APC: variants seen among roughly 807,000 people sequenced by gnomAD.
APC encodes APC regulator of Wnt signaling pathway.
APC carries 72 observed loss-of-function variants against 247.0 expected under a neutral mutation model. The ratio of observed to expected loss-of-function variants is 0.29; its 90% CI spans 0.24 to 0.35. APC has a LOEUF of 0.35. Ranked by LOEUF, APC falls within the 10% of genes least tolerant of loss-of-function variation. APC has a pLI of 1.00. For missense variants in APC, 3,400 were observed against 3,360.7 expected, an observed-to-expected ratio of 1.01 and a Z score of -0.29; for synonymous variants, 1,254 against 1,162.5, an observed-to-expected ratio of 1.08 and a Z score of -1.60.
At chr5:112,823,850 A>G (rs1763384091) in intron 11 of APC, among the ~76,000 whole-genome samples, 1 of 152,150 alleles carries the variant, frequency 6.6e-6, no homozygotes, top group Non-Finnish European at 1.5e-5. Context: ...CACTCGTCAA[A>G]CTGGATTTTC....
intron 2 of APC, among the ~76,000 whole-genome samples, chr5:112,759,823 G>T: frequency 6.6e-6 from 1 of 152,080 alleles, no homozygotes; most frequent in East Asian, 1.9e-4. Flanking sequence ...ACTTCTCAAA[G>T]AACTTTTTGA....
intron 7 of APC, among the ~76,000 whole-genome samples, chr5:112,793,367 C>T (rs1455696006): frequency 6.6e-6 from 1 of 152,050 alleles, no homozygotes; most frequent in African/African-American, 2.4e-5. Context: ...TTATAATCTC[C>T]AGGCAAGTTT....
At chr5:112,760,110 A>G (rs1038076979) in intron 2 of APC, among the ~76,000 whole-genome samples, 1 of 152,150 alleles carries the variant, frequency 6.6e-6, no homozygotes, top group Non-Finnish European at 1.5e-5. Context: ...CCTGGGGTAT[A>G]TTGATTCTGG....
chr5:112,763,842 A>G (rs1322195843), intron 2 of APC, among the ~76,000 whole-genome samples: 1 of 152,208 alleles, frequency 6.6e-6, no homozygotes, highest in Non-Finnish European at 1.5e-5. Context: ...CCCCAGGCTT[A>G]CTGAATCGAC....
chr5:112,752,756 A>G (rs2091519818), intron 1 of APC, among the ~76,000 whole-genome samples: 1 of 152,202 alleles, frequency 6.6e-6, no homozygotes, highest in African/African-American at 2.4e-5. Flanking sequence ...GCAGCATCCT[A>G]AAACAATATA....
At chr5:112,787,662 A>C (rs1175922592) in intron 6 of APC, among the ~76,000 whole-genome samples, 1 of 152,124 alleles carries the variant, frequency 6.6e-6, no homozygotes, top group Admixed American at 6.5e-5. Flanking sequence ...CATTTGTTTG[A>C]GAGATGTTTT....
In APC at chr5:112,845,320, A is replaced by C. The variant is rs1164356805; in HGVS notation, c.*1194A>C. The C allele has an allele frequency of 4.3e-6, 1 of 232,760 alleles. No homozygotes were observed. Among genetic ancestry groups the C allele is most frequent in the Non-Finnish European group, 8.5e-6 (1 of 117,520 alleles). The allele number at this position is 232,760 out of a possible 1,614,324, so 14.4% of individuals were successfully genotyped here. On this transcript the variant is annotated 3_prime_UTR_variant, in exon 16 of 16. Coordinates refer to ENST00000257430, the MANE Select transcript of APC (RefSeq NM_000038.6). ...GCAAGCAGCCTAGCACAGACTAAGC[A>C]TTGAGCATAATAGGCCCACATAATT...
At chr5:112,757,742 G>A (rs185895760) in intron 2 of APC, among the ~76,000 whole-genome samples, 61 of 152,088 alleles carry the variant, frequency 4.0e-4, no homozygotes, top group Non-Finnish European at 6.3e-4. Context: ...TCCTCCAACC[G>A]GATTACTTAA....
In APC at chr5:112,755,707, C is replaced by T. The variant is rs188832145; in HGVS notation, c.135+682C>T. 1.5e-3 allele frequency among the ~76,000 whole-genome samples: 222 copies of T among 152,308 alleles called. 1 individual carries two copies. Among genetic ancestry groups the T allele is most frequent in the African/African-American group, 5.1e-3 (212 of 41,572 alleles). ...AATCGTCTATAGTGGGGAAAATGTT[C>T]TGGTTTCAAAATAATTGAGGTTAAA... is the stretch of plus-strand genomic sequence containing the variant. On this transcript the variant is annotated intron_variant, in intron 2 of 15. Transcript: ENST00000257430.
At chr5:112,774,197 G>A (rs901259544) in intron 4 of APC, among the ~76,000 whole-genome samples, 3 of 151,996 alleles carry the variant, frequency 2.0e-5, no homozygotes, top group African/African-American at 2.4e-5. Flanking sequence ...ATGAATACTA[G>A]GGAATTCTTG....
intron 6 of APC, among the ~76,000 whole-genome samples, chr5:112,788,549 T>C (rs1401401154): frequency 2.0e-5 from 3 of 152,156 alleles, no homozygotes; most frequent in Non-Finnish European, 2.9e-5. Flanking sequence ...TGAGTTGATA[T>C]ATGTAAAAGC....
intron 1 of APC, among the ~76,000 whole-genome samples, chr5:112,711,762 A>T (rs751960400): frequency 6.6e-6 from 1 of 152,184 alleles, no homozygotes; most frequent in Admixed American, 6.5e-5. Context: ...GGCTCTTGCA[A>T]TTGGCAAGTA....
chr5:112,817,231 T>G (rs1297689364), intron 9 of APC, among the ~76,000 whole-genome samples: 1 of 152,216 alleles, frequency 6.6e-6, no homozygotes, highest in Non-Finnish European at 1.5e-5. Flanking sequence ...AACGATGTAT[T>G]TTCGATTAAC....
In APC at chr5:112,828,843, G is replaced by T. The variant is rs2149816718; in HGVS notation, c.1627-13G>T. On this transcript the variant is annotated splice_polypyrimidine_tract_variant and intron_variant, in intron 13 of 15. Transcript: ENST00000257430. The stretch of plus-strand genomic sequence containing the variant: ...TTTATGTATAAATTAATCTAAAATT[G>T]ATTAATTTGCAGGTTATTGCGAGTG... The T allele has an allele frequency of 4.5e-6, 7 of 1,552,330 alleles. No homozygotes were observed. The South Asian group carries it at 6.7e-5, about 15-fold the overall frequency.
chr5:112,837,510 C>T (rs775510189), intron 15 of APC, 43 bp from the exon 16 acceptor site: 2 of 1,448,324 alleles, frequency 1.4e-6, no homozygotes, highest in East Asian at 4.6e-5. Flanking sequence ...TTACTGCATA[C>T]ACATTGTGAC....
chr5:112,826,346 T>G (rs1011915961), intron 11 of APC, among the ~76,000 whole-genome samples: 2 of 152,218 alleles, frequency 1.3e-5, no homozygotes, highest in African/African-American at 2.4e-5. Context: ...TTCACTTTTT[T>G]TTTAACTGCT....
At chr5:112,753,688 A>G (rs1291714399) in intron 1 of APC, among the ~76,000 whole-genome samples, 2 of 152,186 alleles carry the variant, frequency 1.3e-5, no homozygotes. Context: ...AACTAGATCT[A>G]AGATGAGTCC....
intron 14 of APC, 21 bp from the exon 15 acceptor site, chr5:112,834,930 C>G (rs774729092): frequency 3.1e-6 from 5 of 1,599,618 alleles, no homozygotes; most frequent in African/African-American, 1.3e-5. Flanking sequence ...ATTAGATGAC[C>G]CATATTCTGT....
rs1766909000 is a variant in APC, at chr5:112,845,523, A to G, written c.*1397A>G. ...GGGCAAGATCTCAGCAGTGAAGTAT[A>G]ATCAGCACTTTGCCATGCTCAGAAA... On this transcript the variant is annotated 3_prime_UTR_variant, in exon 16 of 16. Transcript: ENST00000257430. 1 of 233,224 alleles carries G rather than the reference A, an allele frequency of 4.3e-6. No individual in the cohort carries two copies. The highest frequency in any genetic ancestry group is 8.5e-6 in the Non-Finnish European group (1 of 117,750). 14.4% of individuals were successfully genotyped at this position (233,224 alleles called of 1,614,324 possible). A position where few individuals can be genotyped will look rare whatever the true frequency, so the allele number is the denominator to read the frequency against.
Sources: gnomAD v4.1 joint callset for allele counts (sites outside exome capture counted in the v4.1 genomes callset) on GRCh38, gnomAD v4.1.1 for gene constraint, MANE v1.5 for transcripts, NCBI Gene and HGNC (gene_info 2026-07-23, HGNC 2026-07-21) for gene names.